Variants in SLC9A9 observed in about 807,000 individuals in gnomAD.
SLC9A9 encodes solute carrier family 9 member A9.
SLC9A9 carries 62 observed loss-of-function variants against 77.8 expected under a neutral mutation model. The observed-to-expected ratio is 0.80, with a 90% CI of 0.65 to 0.98. SLC9A9 has a LOEUF of 0.98. Ranked by LOEUF, SLC9A9 falls within the 50% of genes least tolerant of loss-of-function variation. SLC9A9 has a pLI of 0.00. For missense variants in SLC9A9, 775 were observed against 774.9 expected (o/e 1.00, Z 0.00); for synonymous variants, 320 against 283.5 (o/e 1.13, Z -1.29).
intron 6 of SLC9A9, among the ~76,000 whole-genome samples, chr3:143,594,433 T>C (rs2037716546): frequency 6.6e-6 from 1 of 151,954 alleles, no homozygotes; most frequent in Non-Finnish European, 1.5e-5. Flanking sequence ...AATAACCTCA[T>C]AGCAGAGATA....
intron 9 of SLC9A9, among the ~76,000 whole-genome samples, chr3:143,512,268 C>G (rs575102673): frequency 1.3e-5 from 2 of 152,146 alleles, no homozygotes; most frequent in Non-Finnish European, 2.9e-5. Context: ...GGATCTAAAA[C>G]GTTGAACTGA....
chr3:143,711,931 C>T lies in SLC9A9; in HGVS notation c.534-18624G>A, dbSNP rs147911097. Among the ~76,000 whole-genome samples, 490 of 152,296 alleles carry T rather than the reference C, an allele frequency of 3.2e-3. 2 individuals carry two copies. The highest frequency in any genetic ancestry group is 0.01 in the Middle Eastern group (3 of 294). ...CATGGGGCTAATTCTGAACAATCTA[C>T]GGAAATATTTCTGACAATCACCTAG... On this transcript the variant is annotated intron_variant, in intron 4 of 15. Coordinates refer to ENST00000316549, the MANE Select transcript of SLC9A9 (RefSeq NM_173653.4).
intron 12 of SLC9A9, among the ~76,000 whole-genome samples, chr3:143,402,234 G>A (rs896035449): frequency 1.3e-5 from 2 of 152,044 alleles, no homozygotes; most frequent in African/African-American, 2.4e-5. Flanking sequence ...CTACCTCAAC[G>A]AATAAAAAGG....
intron 12 of SLC9A9, among the ~76,000 whole-genome samples, chr3:143,396,191 A>G (rs2033724253): frequency 6.6e-6 from 1 of 152,270 alleles, no homozygotes; most frequent in African/African-American, 2.4e-5. Context: ...AAAGACTTGG[A>G]ACCAACCCAA....
intron 12 of SLC9A9, among the ~76,000 whole-genome samples, chr3:143,447,806 C>T (rs914794294): frequency 6.6e-6 from 1 of 152,148 alleles, no homozygotes; most frequent in African/African-American, 2.4e-5. Flanking sequence ...TTGAAGAACA[C>T]GTGCTTGTAT....
At chr3:143,724,680 C>T (rs1934590872) in intron 4 of SLC9A9, among the ~76,000 whole-genome samples, 1 of 152,182 alleles carries the variant, frequency 6.6e-6, no homozygotes, top group Non-Finnish European at 1.5e-5. Context: ...TGTAAATAGG[C>T]TGAAACAAAA....
At chr3:143,361,927 C>CTT (rs68011000) in intron 14 of SLC9A9, among the ~76,000 whole-genome samples, 1 of 152,096 alleles carries the variant, frequency 6.6e-6, no homozygotes. Flanking sequence ...ACAAAAACAT[C>CTT]TTTTTATCTC....
chr3:143,475,619 C>T (rs988331916), intron 11 of SLC9A9, among the ~76,000 whole-genome samples: 1 of 151,844 alleles, frequency 6.6e-6, no homozygotes, highest in African/African-American at 2.4e-5. Flanking sequence ...GGTGAAACCC[C>T]GTCTCTACTA....
intron 2 of SLC9A9, among the ~76,000 whole-genome samples, chr3:143,825,064 T>C (rs1473869571): frequency 6.6e-6 from 1 of 152,172 alleles, no homozygotes; most frequent in East Asian, 1.9e-4. Flanking sequence ...GGAAGAATAA[T>C]TGATAGTATC....
intron 14 of SLC9A9, among the ~76,000 whole-genome samples, chr3:143,317,044 A>G (rs1029188381): frequency 6.6e-6 from 1 of 152,196 alleles, no homozygotes; most frequent in Non-Finnish European, 1.5e-5. Flanking sequence ...CCTGAAATAC[A>G]GTCAGCACTC....
intron 4 of SLC9A9, among the ~76,000 whole-genome samples, chr3:143,758,673 C>T (rs2108830318): frequency 6.6e-6 from 1 of 152,176 alleles, no homozygotes; most frequent in African/African-American, 2.4e-5. Context: ...AAGACTCAGA[C>T]TGGGGGAAAG....
At position 143,606,434 on chromosome 3, in the gene SLC9A9, C is replaced by CTATATATA. The variant is rs1427549304; in HGVS notation, c.756-27712_756-27711insTATATATA. Among the ~76,000 whole-genome samples, 388 of 52,890 alleles carry CTATATATA rather than the reference C, an allele frequency of 7.3e-3. 1 individual carries two copies. The highest frequency in any genetic ancestry group is 0.016 in the South Asian group (23 of 1,408). 34.7% of individuals were successfully genotyped at this position (52,890 alleles called of 152,430 possible). A position where few individuals can be genotyped will look rare whatever the true frequency, so the allele number is the denominator to read the frequency against. ...TCTCTCTCTCTCTCTCTCTCTCTCT[C>CTATATATA]TCTATATATATATATATATATATAT... On this transcript the variant is annotated intron_variant, in intron 6 of 15. Transcript: ENST00000316549.
intron 12 of SLC9A9, among the ~76,000 whole-genome samples, chr3:143,390,528 G>A (rs997346758): frequency 7.2e-5 from 11 of 152,292 alleles, no homozygotes; most frequent in East Asian, 1.9e-4. Context: ...CATGAGCAAC[G>A]CAGAAGACAA....
chr3:143,442,051 A>G (rs1211032340), intron 12 of SLC9A9, among the ~76,000 whole-genome samples: 1 of 151,784 alleles, frequency 6.6e-6, no homozygotes, highest in Admixed American at 6.6e-5. Flanking sequence ...CTACCCATCC[A>G]TCCACCCACC....
intron 4 of SLC9A9, among the ~76,000 whole-genome samples, chr3:143,719,439 G>A (rs1040984452): frequency 1.3e-5 from 2 of 152,062 alleles, no homozygotes; most frequent in Non-Finnish European, 2.9e-5. Flanking sequence ...GCCCCAAGTA[G>A]GGCCTTTCAG....
intron 12 of SLC9A9, among the ~76,000 whole-genome samples, chr3:143,399,479 A>C (rs1008924436): frequency 6.6e-6 from 1 of 152,204 alleles, no homozygotes; most frequent in Non-Finnish European, 1.5e-5. Context: ...AGTGGTTTAA[A>C]ATCAGGAAAG....
chr3:143,846,271 G>A (rs371875546), intron 1 of SLC9A9, among the ~76,000 whole-genome samples: 1 of 152,164 alleles, frequency 6.6e-6, no homozygotes, highest in East Asian at 1.9e-4. Context: ...CTCTAATAAA[G>A]GTTGGCAATC....
At chr3:143,767,412 G>GTGTGTGTT (rs1016883260) in intron 4 of SLC9A9, among the ~76,000 whole-genome samples, 5 of 151,346 alleles carry the variant, frequency 3.3e-5, no homozygotes, top group South Asian at 2.1e-4. Flanking sequence ...GTGTGTGTGT[G>GTGTGTGTT]TTTACAGAAA....
At chr3:143,503,635 G>A in intron 9 of SLC9A9, 1 of 451,062 alleles carries the variant, frequency 2.2e-6, no homozygotes, top group Non-Finnish European at 4.5e-6. Context: ...CCATGCCTTG[G>A]CAGTGCCAGG....
Sources: gnomAD v4.1 joint callset for allele counts (sites outside exome capture counted in the v4.1 genomes callset) on GRCh38, gnomAD v4.1.1 for gene constraint, MANE v1.5 for transcripts, NCBI Gene and HGNC (gene_info 2026-07-23, HGNC 2026-07-21) for gene names.